The following SMG6 variants were observed in gnomAD, a reference collection of about 807,000 sequenced individuals.
The protein encoded by SMG6 is telomerase-binding protein EST1A.
SMG6 carries 66 observed loss-of-function variants against 142.2 expected under a neutral mutation model. The ratio of observed to expected loss-of-function variants is 0.46; its 90% CI spans 0.38 to 0.57. The LOEUF is 0.57. Ranked by LOEUF, SMG6 falls within the 20% of genes least tolerant of loss-of-function variation. The probability of loss-of-function intolerance (pLI) is 0.00; values close to 1 mark genes in which losing one functional copy is unlikely to be tolerated. For synonymous variants in SMG6, 779 were observed against 702.4 expected (o/e 1.11, Z -1.72); for missense variants, 1,793 against 1,832.0 (o/e 0.98, Z 0.39).
intron 13 of SMG6, among the ~76,000 whole-genome samples, chr17:2,151,666 A>C (rs931584931): frequency 1.1e-4 from 17 of 152,184 alleles, no homozygotes; most frequent in Admixed American, 1.0e-3. Context: ...ACATCTTAAC[A>C]CGGATCAGCA....
intron 1 of SMG6, 132 bp downstream of exon 1, chr17:2,303,501 G>A (rs1473111082): frequency 1.5e-6 from 2 of 1,327,114 alleles, no homozygotes; most frequent in South Asian, 2.0e-5. Context: ...GGTCCGCCGC[G>A]GCCCCAGCGC....
intron 10 of SMG6, among the ~76,000 whole-genome samples, chr17:2,221,932 G>A (rs111613436): frequency 0.01 from 1,568 of 152,206 alleles, 32 homozygotes; most frequent in African/African-American, 0.034. Flanking sequence ...ACAGGGTTTC[G>A]CCATGTTGGC....
intron 8 of SMG6, among the ~76,000 whole-genome samples, chr17:2,257,103 T>G (rs1402465389): frequency 6.6e-6 from 1 of 151,170 alleles, no homozygotes; most frequent in Non-Finnish European, 1.5e-5. Flanking sequence ...TTTTTTTTTT[T>G]GAGACAGAGT....
intron 12 of SMG6, among the ~76,000 whole-genome samples, chr17:2,183,209 G>C (rs1481088141): frequency 6.6e-6 from 1 of 151,004 alleles, no homozygotes. Flanking sequence ...CTGGGTAACA[G>C]AGCGAGACCC....
Position 2,303,698 on chromosome 17 carries a change from A to G in SMG6, c.23T>C (p.Val8Ala), listed in dbSNP as rs1304772469. ...GCGCAGCTCCGACGCGGAGATCCGCACACGCTCCAGCCCTTCCGCCATCTT... is the reference window on the plus strand; with the variant it reads ...GCGCAGCTCCGACGCGGAGATCCGCGCACGCTCCAGCCCTTCCGCCATCTT... MAEGLERVRISASELRGI... is the reference protein window; with the variant it reads MAEGLERARISASELRGI... Residue 8 changes from valine to alanine, a missense_variant, in exon 1 of 19, where the codon GTG (valine) becomes GCG (alanine). Val to Ala is a moderately conservative substitution (Grantham distance 64). Around this residue, in one of 3 missense-constraint regions of SMG6, gnomAD observed 1,597 missense variants for 1,584.6 expected, o/e 1.01. Coordinates refer to ENST00000263073, the MANE Select transcript of SMG6 (RefSeq NM_017575.5). 1 of 1,497,240 alleles carries G rather than the reference A, an allele frequency of 6.7e-7. No homozygotes were observed. The highest frequency in any genetic ancestry group is 8.9e-7 in the Non-Finnish European group (1 of 1,129,618). 92.7% of individuals were successfully genotyped at this position (1,497,240 alleles called of 1,614,324 possible). A position where few individuals can be genotyped will look rare whatever the true frequency, so the allele number is the denominator to read the frequency against.
rs1003929377 is a variant in SMG6, at chr17:2,300,764, A to G, written c.89-100T>C. The G allele has an allele frequency of 9.8e-6, 11 of 1,119,880 alleles. No homozygotes were observed. The African/African-American group carries it at 1.4e-4, about 14-fold the overall frequency. 69.4% of individuals were successfully genotyped at this position (1,119,880 alleles called of 1,614,324 possible). On this transcript the variant is annotated intron_variant, in intron 1 of 18. Coordinates refer to ENST00000263073, the MANE Select transcript of SMG6 (RefSeq NM_017575.5). Reference sequence around the variant, plus strand: ...GTCATTCTGGTTAAGTAACAAAAAAAGTCGAGCAAGAATTACATATCCAAA... The same window carrying G: ...GTCATTCTGGTTAAGTAACAAAAAAGGTCGAGCAAGAATTACATATCCAAA...
intron 13 of SMG6, among the ~76,000 whole-genome samples, chr17:2,117,351 G>C (rs1347801635): frequency 6.6e-6 from 1 of 152,126 alleles, no homozygotes; most frequent in African/African-American, 2.4e-5. Context: ...CATAAAAATG[G>C]AAAAGAACTG....
At chr17:2,174,558 A>G (rs1410582721) in intron 12 of SMG6, among the ~76,000 whole-genome samples, 5 of 152,228 alleles carry the variant, frequency 3.3e-5, no homozygotes, top group African/African-American at 1.2e-4. Context: ...CAGACGGAAC[A>G]CAGCCCCATT....
intron 13 of SMG6, among the ~76,000 whole-genome samples, chr17:2,123,817 G>T (rs1316478767): frequency 1.3e-5 from 2 of 152,182 alleles, no homozygotes; most frequent in African/African-American, 4.8e-5. Flanking sequence ...TTTTGTTGGG[G>T]GAAGGTGACA....
intron 18 of SMG6, chr17:2,061,922 T>C (rs67703045): frequency 0.14 from 45,874 of 317,468 alleles, 5,506 homozygotes; most frequent in East Asian, 0.61. Context: ...ACTGAGGGAA[T>C]AGAAGCAGCC....
chr17:2,300,250 ACTT>A lies in SMG6; in HGVS notation c.500_502del (p.Glu167del), dbSNP rs1296197380. 3.1e-6 allele frequency: 5 copies of A among 1,613,926 alleles called. No homozygotes were observed. The highest frequency in any genetic ancestry group is 1.1e-5 in the South Asian group (1 of 91,068). On this transcript the variant is annotated inframe_deletion, in exon 2 of 19. Coordinates refer to ENST00000263073, the MANE Select transcript of SMG6 (RefSeq NM_017575.5). Reference sequence around the variant, plus strand: ...TCTCAGTTGTTCTACCTGGTTGAGGACTTCTTCCTCCTCCACCCGACTGGCGGA... The same window carrying A: ...TCTCAGTTGTTCTACCTGGTTGAGGACTTCCTCCTCCACCCGACTGGCGGA...
intron 13 of SMG6, among the ~76,000 whole-genome samples, chr17:2,114,645 G>T (rs2069441338): frequency 6.6e-6 from 1 of 151,956 alleles, no homozygotes; most frequent in Non-Finnish European, 1.5e-5. Context: ...GAAGGGCACA[G>T]GGGCCAGGCG....
intron 4 of SMG6, among the ~76,000 whole-genome samples, chr17:2,293,850 C>T (rs145104235): frequency 1.3e-5 from 2 of 152,332 alleles, no homozygotes; most frequent in African/African-American, 4.8e-5. Context: ...ACATTACCTT[C>T]ACCTAAAACA....
At position 2,297,957 on chromosome 17, in the gene SMG6, T is replaced by C. The variant is rs1277029659; in HGVS notation, c.1946A>G (p.Tyr649Cys). 4.3e-6 allele frequency: 7 copies of C among 1,613,384 alleles called. No homozygotes were observed. The highest frequency in any genetic ancestry group is 1.1e-5 in the South Asian group (1 of 91,084). ...VDQILWKNAF[Y>C]QVIEKFRQLV... Reference sequence around the variant, plus strand: ...TTGCCTGAACTTCTCAATCACCTGATAGAAAGCATTCTTCCACAGGATCTG... The same window carrying C: ...TTGCCTGAACTTCTCAATCACCTGACAGAAAGCATTCTTCCACAGGATCTG... Residue 649 changes from tyrosine (Y) to cysteine (C), a missense_variant, in exon 3 of 19, where the codon TAT (tyrosine) becomes TGT (cysteine). Physicochemically the swap from Tyr to Cys is radical, Grantham distance 194. This residue lies in a region of SMG6 where 1,597 missense variants were observed against 1,584.6 expected (regional missense o/e 1.01). Transcript: ENST00000263073.
At chr17:2,084,351 A>G (rs2068500712) in intron 14 of SMG6, among the ~76,000 whole-genome samples, 1 of 152,150 alleles carries the variant, frequency 6.6e-6, no homozygotes, top group African/African-American at 2.4e-5. Flanking sequence ...CCATGCTAAC[A>G]GCTCATTCTT....
chr17:2,177,316 G>C (rs1352172926), intron 12 of SMG6, among the ~76,000 whole-genome samples: 1 of 152,192 alleles, frequency 6.6e-6, no homozygotes, highest in Non-Finnish European at 1.5e-5. Context: ...AACTCAGAAA[G>C]GCAGTCTGCC....
At chr17:2,230,305 C>CAAAAA (rs869124628) in intron 10 of SMG6, among the ~76,000 whole-genome samples, 1 of 16,276 alleles carries the variant, frequency 6.1e-5, no homozygotes, top group African/African-American at 2.6e-4. Context: ...CATGTCGGGG[C>CAAAAA]AAAAAAAAAA....
intron 13 of SMG6, among the ~76,000 whole-genome samples, chr17:2,111,001 T>C (rs2069299659): frequency 6.6e-6 from 1 of 152,206 alleles, no homozygotes; most frequent in African/African-American, 2.4e-5. Context: ...AGTTTCCTTA[T>C]CAGAGGAGCT....
chr17:2,240,515 A>G (rs140326177), intron 9 of SMG6, among the ~76,000 whole-genome samples: 1 of 152,316 alleles, frequency 6.6e-6, no homozygotes, highest in East Asian at 1.9e-4. Flanking sequence ...ACTACAGAAC[A>G]TAAGGACTGG....
Sources: allele counts gnomAD v4.1 joint callset (sites outside exome capture counted in the v4.1 genomes callset), GRCh38; gene constraint gnomAD v4.1.1; regional missense constraint gnomAD v4.1.1; transcripts MANE v1.5; gene names NCBI Gene and HGNC (gene_info 2026-07-23, HGNC 2026-07-21).